The following OR51L1 variants were observed in gnomAD, a reference collection of about 807,000 sequenced individuals.
The protein encoded by OR51L1 is olfactory receptor 51L1.
In OR51L1, 1 loss-of-function variant was observed where a neutral mutation model predicts 1.4. The observed-to-expected ratio is 0.72, with a 90% CI of 0.26 to 3.42. OR51L1 has a LOEUF of 3.42. OR51L1 is among the 30% of genes most tolerant of loss of function. The pLI is 0.20. For synonymous variants in OR51L1, 156 were observed against 144.2 expected (o/e 1.08, Z -0.59); for missense variants, 378 against 380.0 (o/e 0.99, Z 0.04).
Position 4,999,200 on chromosome 11 carries a change from T to C in OR51L1, c.218T>C (p.Leu73Pro). 6.2e-7 allele frequency: 1 copy of C among 1,614,148 alleles called. No homozygotes were observed. Among genetic ancestry groups the C allele is most frequent in the Non-Finnish European group, 8.5e-7 (1 of 1,179,982 alleles). The change falls in exon 3 of 3, where the codon CTG (leucine) becomes CCG (proline). Residue 73 changes from leucine (L) to proline (P), a missense_variant. Transcript: ENST00000641819. ...ATTTCCATCTTAGCAGTGAATGACCTGGGGATGTCCCTGTCTACACTTCCC... is the reference window on the plus strand; with the variant it reads ...ATTTCCATCTTAGCAGTGAATGACCCGGGGATGTCCCTGTCTACACTTCCC... ...YFISILAVND[L>P]GMSLSTLPTM... is the part of the protein sequence containing the mutation.
At chr11:4,996,252 G>GCA (rs139320721) in intron 1 of OR51L1, among the ~76,000 whole-genome samples, 309 of 150,268 alleles carry the variant, frequency 2.1e-3, no homozygotes, top group East Asian at 5.6e-3. Context: ...GTGTGTGCAT[G>GCA]CACACACACA....
Position 5,000,360 on chromosome 11 carries a change from A to G in OR51L1, c.*430A>G, listed in dbSNP as rs1847119335. The G allele has an allele frequency of 6.3e-6, 1 of 159,910 alleles. No homozygotes were observed. Among genetic ancestry groups the G allele is most frequent in the African/African-American group, 2.4e-5 (1 of 41,484 alleles). 9.9% of individuals were successfully genotyped at this position (159,910 alleles called of 1,614,324 possible). On this transcript the variant is annotated 3_prime_UTR_variant, in exon 3 of 3. Coordinates refer to ENST00000641819, the MANE Select transcript of OR51L1 (RefSeq NM_001004755.2). The stretch of plus-strand genomic sequence containing the variant: ...TACTGCTGCACGTATTTTGTTGTTC[A>G]TGCTACAATGTCATAACTGTTTATG...
In OR51L1 at chr11:4,995,145, GAC is replaced by G. The variant is rs1564821911; in HGVS notation, c.-448_-447del. On this transcript the variant is annotated 5_prime_UTR_variant, in exon 1 of 3. Coordinates refer to ENST00000641819, the MANE Select transcript of OR51L1 (RefSeq NM_001004755.2). ...CTAGAAAAGATAGTAAAGATAATTTGACACATAAAATGAGATAAAGAGAGAAA... is the reference window on the plus strand; with the variant it reads ...CTAGAAAAGATAGTAAAGATAATTTGACATAAAATGAGATAAAGAGAGAAA... The G allele has an allele frequency of 6.6e-6, 1 of 151,944 alleles. No homozygotes were observed. The highest frequency in any genetic ancestry group is 1.5e-5 in the Non-Finnish European group (1 of 67,950). The allele number at this position is 151,944 out of a possible 1,614,324, so 9.4% of individuals were successfully genotyped here.
At chr11:4,996,823 G>A (rs1486698914) in intron 1 of OR51L1, among the ~76,000 whole-genome samples, 2 of 147,566 alleles carry the variant, frequency 1.4e-5, no homozygotes, top group Admixed American at 6.9e-5. Flanking sequence ...CACTCTGTGT[G>A]TGTGTGTGTT....
At chr11:4,996,107 A>T (rs542023474) in intron 1 of OR51L1, among the ~76,000 whole-genome samples, 65 of 152,248 alleles carry the variant, frequency 4.3e-4, no homozygotes, top group African/African-American at 1.6e-3. Context: ...GCAGTGAGTT[A>T]ATAATATTGT....
rs1847100116 is a variant in OR51L1 at position 4,999,157 on chromosome 11, C to T, written c.175C>T (p.Gln59Ter). 6.2e-7 allele frequency: 1 copy of T among 1,613,384 alleles called. No homozygotes were observed. The highest frequency in any genetic ancestry group is 1.7e-5 in the Admixed American group (1 of 60,006). ...SVIWIESSLHQPMYYFISILA... is the reference protein window; with the variant it reads ...SVIWIESSLH ...CATTTGGATAGAATCCTCTCTCCATCAGCCCATGTATTACTTTATTTCCAT... is the reference window on the plus strand; with the variant it reads ...CATTTGGATAGAATCCTCTCTCCATTAGCCCATGTATTACTTTATTTCCAT... The change falls in exon 3 of 3, where the codon CAG becomes TAG. Residue 59 changes from glutamine to a stop codon, truncating the protein, a stop_gained. Coordinates refer to ENST00000641819, the MANE Select transcript of OR51L1 (RefSeq NM_001004755.2). LOFTEE classifies it low-confidence loss of function (END_TRUNC).
chr11:4,996,023 T>C (rs1016349743), intron 1 of OR51L1, among the ~76,000 whole-genome samples: 3 of 152,060 alleles, frequency 2.0e-5, no homozygotes, highest in Non-Finnish European at 4.4e-5. Context: ...AGATCTAATA[T>C]ACAGCATGAC....
rs1847168015 is a variant in OR51L1, at chr11:5,005,448, A to T, written c.*5518A>T. ...CTTTTAAGGAAATGGATAAATACACAATGTCCTGAAAACCTTTGTGGAAAT... is the reference window on the plus strand; with the variant it reads ...CTTTTAAGGAAATGGATAAATACACTATGTCCTGAAAACCTTTGTGGAAAT... On this transcript the variant is annotated 3_prime_UTR_variant, in exon 3 of 3. Transcript: ENST00000641819. 6.6e-6 allele frequency: 1 copy of T among 152,052 alleles called. No homozygotes were observed. The highest frequency in any genetic ancestry group is 2.4e-5 in the African/African-American group (1 of 41,400). 9.4% of individuals were successfully genotyped at this position (152,052 alleles called of 1,614,324 possible). A position where few individuals can be genotyped will look rare whatever the true frequency, so the allele number is the denominator to read the frequency against.
intron 1 of OR51L1, among the ~76,000 whole-genome samples, chr11:4,996,560 T>C (rs943373917): frequency 6.6e-6 from 1 of 152,086 alleles, no homozygotes; most frequent in African/African-American, 2.4e-5. Context: ...TAAGAAAATA[T>C]GATTTATTTC....
Position 5,002,289 on chromosome 11 carries a change from A to G in OR51L1, c.*2359A>G, listed in dbSNP as rs1178599959. On this transcript the variant is annotated 3_prime_UTR_variant, in exon 3 of 3. Coordinates refer to ENST00000641819, the MANE Select transcript of OR51L1 (RefSeq NM_001004755.2). ...TTTTTCTTAGAGAGGAGGTGGTTAA[A>G]CACTTACCAACACATCACTGGGAAA... The G allele has an allele frequency of 6.6e-6, 1 of 152,194 alleles. No individual in the cohort carries two copies. Among genetic ancestry groups the G allele is most frequent in the Non-Finnish European group, 1.5e-5 (1 of 68,036 alleles). The allele number at this position is 152,194 out of a possible 1,614,324, so 9.4% of individuals were successfully genotyped here.
chr11:4,998,258 A>G (rs535421708), intron 2 of OR51L1, among the ~76,000 whole-genome samples: 1 of 151,396 alleles, frequency 6.6e-6, no homozygotes, highest in Admixed American at 6.6e-5. Flanking sequence ...CACACACTAT[A>G]TATATAGTTT....
intron 1 of OR51L1, among the ~76,000 whole-genome samples, chr11:4,996,381 C>G (rs1472503712): frequency 6.6e-6 from 1 of 151,972 alleles, no homozygotes; most frequent in Non-Finnish European, 1.5e-5. Flanking sequence ...ATAGGGATTA[C>G]AAACAGAAAT....
chr11:5,000,074 A>G lies in OR51L1; in HGVS notation c.*144A>G. 1 of 896,886 alleles carries G rather than the reference A, an allele frequency of 1.1e-6. No individual in the cohort carries two copies. The highest frequency in any genetic ancestry group is 2.3e-5 in the South Asian group (1 of 44,354). The allele number at this position is 896,886 out of a possible 1,614,324, so 55.6% of individuals were successfully genotyped here. A position where few individuals can be genotyped will look rare whatever the true frequency, so the allele number is the denominator to read the frequency against. ...TACATGTAATTTCAGTTAATCTTTA[A>G]CCAATATGAAACTCAGGATTTTTTT... On this transcript the variant is annotated 3_prime_UTR_variant, in exon 3 of 3. Transcript: ENST00000641819.
In OR51L1 at chr11:4,999,568, A is replaced by G; in HGVS notation, c.586A>G (p.Thr196Ala). The G allele has an allele frequency of 6.2e-7, 1 of 1,613,964 alleles. No homozygotes were observed. Among genetic ancestry groups the G allele is most frequent in the Non-Finnish European group, 8.5e-7 (1 of 1,179,992 alleles). Residue 196 changes from threonine to alanine, a missense_variant, in exon 3 of 3, where the codon ACC (threonine) becomes GCC (alanine). By Grantham distance (58) the Thr-to-Ala change is moderately conservative. Transcript: ENST00000641819. The part of the protein sequence containing the change: ...VLRLSCTDAR[T>A]NSIYGLCVVI... ...AAGATTATCCTGTACAGATGCCAGG[A>G]CCAACAGTATTTATGGGCTTTGTGT...
rs1847125470 is a variant in OR51L1 at position 5,000,977 on chromosome 11, A to ATC, written c.*1051_*1052dup. 1 of 152,272 alleles carries ATC rather than the reference A, an allele frequency of 6.6e-6. No homozygotes were observed. The highest frequency in any genetic ancestry group is 6.5e-5 in the Admixed American group (1 of 15,278). The allele number at this position is 152,272 out of a possible 1,614,324, so 9.4% of individuals were successfully genotyped here. A position where few individuals can be genotyped will look rare whatever the true frequency, so the allele number is the denominator to read the frequency against. The stretch of plus-strand genomic sequence containing the variant: ...ACCCAGGTGGAAGTGCAATGGCGTG[A>ATC]TCTCTGCTCACTGCAACCTTCGCCT... On this transcript the variant is annotated 3_prime_UTR_variant, in exon 3 of 3. Transcript: ENST00000641819.
rs1386730605 is a variant in OR51L1 at position 5,002,598 on chromosome 11, T to G, written c.*2668T>G. ...ATTGCCTCAGCTGGAGAAATGAGCC[T>G]TGCCTGGGGTCATCCACTGACACAT... On this transcript the variant is annotated 3_prime_UTR_variant, in exon 3 of 3. Coordinates refer to ENST00000641819, the MANE Select transcript of OR51L1 (RefSeq NM_001004755.2). 1 of 152,076 alleles carries G rather than the reference T, an allele frequency of 6.6e-6. No individual in the cohort carries two copies. The highest frequency in any genetic ancestry group is 2.4e-5 in the African/African-American group (1 of 41,408). The allele number at this position is 152,076 out of a possible 1,614,324, so 9.4% of individuals were successfully genotyped here.
At position 4,999,688 on chromosome 11, in the gene OR51L1, C is replaced by T; in HGVS notation, c.706C>T (p.Gln236Ter). 6.2e-7 allele frequency: 1 copy of T among 1,613,962 alleles called. No homozygotes were observed. The highest frequency in any genetic ancestry group is 1.1e-5 in the South Asian group (1 of 91,056). Reference protein sequence around the residue: ...TVLDIASREEQLKALNTCVSH... With the variant: ...TVLDIASREE ...GCTGGATATTGCATCTCGTGAAGAG[C>T]AGCTAAAGGCACTCAACACATGTGT... The change falls in exon 3 of 3, where the codon CAG becomes TAG. Residue 236 changes from glutamine (Q) to a stop codon, truncating the protein, a stop_gained. Coordinates refer to ENST00000641819, the MANE Select transcript of OR51L1 (RefSeq NM_001004755.2). LOFTEE classifies it high-confidence loss of function.
Position 5,000,486 on chromosome 11 carries a change from C to T in OR51L1, c.*556C>T, listed in dbSNP as rs1033495862. On this transcript the variant is annotated 3_prime_UTR_variant, in exon 3 of 3. Transcript: ENST00000641819. ...CTATGTACAAGTTCTAATCTCATCA[C>T]TTAGTGATGTGTCCTTTCTCTCATT... 1.3e-5 allele frequency: 2 copies of T among 152,862 alleles called. No individual in the cohort carries two copies. Among genetic ancestry groups the T allele is most frequent in the African/African-American group, 2.4e-5 (1 of 41,410 alleles). The allele number at this position is 152,862 out of a possible 1,614,324, so 9.5% of individuals were successfully genotyped here. A position where few individuals can be genotyped will look rare whatever the true frequency, so the allele number is the denominator to read the frequency against.
At position 5,003,090 on chromosome 11, in the gene OR51L1, C is replaced by G. The variant is rs1382194629; in HGVS notation, c.*3160C>G. On this transcript the variant is annotated 3_prime_UTR_variant, in exon 3 of 3. Coordinates refer to ENST00000641819, the MANE Select transcript of OR51L1 (RefSeq NM_001004755.2). ...CAGAGAAAGAGATCAAGGCAAGTTT[C>G]GAGCAGGAGTGGAAGTTTATTTAAA... 2.6e-5 allele frequency: 4 copies of G among 152,190 alleles called. No homozygotes were observed. The highest frequency in any genetic ancestry group is 3.4e-3 in the Middle Eastern group (1 of 294). 9.4% of individuals were successfully genotyped at this position (152,190 alleles called of 1,614,324 possible).
Sources: gnomAD v4.1 joint callset for allele counts (sites outside exome capture counted in the v4.1 genomes callset) on GRCh38, gnomAD v4.1.1 for gene constraint, MANE v1.5 for transcripts, NCBI Gene and HGNC (gene_info 2026-07-23, HGNC 2026-07-21) for gene names.